HRH1: variants seen among roughly 807,000 people sequenced by gnomAD.
HRH1 encodes the protein histamine receptor H1, also known as histamine H1 receptor.
In HRH1, 6 loss-of-function variants were observed where a neutral mutation model predicts 10.3. The ratio of observed to expected loss-of-function variants is 0.58; its 90% CI spans 0.32 to 1.15. The LOEUF (loss-of-function observed/expected upper bound fraction) is 1.15. HRH1 is among the 50% of genes most tolerant of loss of function. HRH1 has a pLI of 0.05. For missense variants in HRH1, 514 were observed against 615.3 expected, an observed-to-expected ratio of 0.84 and a Z score of 1.74; for synonymous variants, 242 against 236.7, an observed-to-expected ratio of 1.02 and a Z score of -0.21.
At chr3:11,240,135 G>A (rs1426080781) in intron 1 of HRH1, among the ~76,000 whole-genome samples, 3 of 152,066 alleles carry the variant, frequency 2.0e-5, no homozygotes, top group African/African-American at 7.2e-5. Flanking sequence ...ATGGTTCTCA[G>A]AGAGGAGGCT....
At chr3:11,206,586 C>CTTTACCTATAAAAG (rs1405993478) in intron 1 of HRH1, among the ~76,000 whole-genome samples, 5 of 152,230 alleles carry the variant, frequency 3.3e-5, no homozygotes, top group Non-Finnish European at 7.3e-5. Flanking sequence ...GTTCACTGTG[C>CTTTACCTATAAAAG]CAGGTGCTTT....
intron 1 of HRH1, among the ~76,000 whole-genome samples, chr3:11,146,278 G>A (rs1466682255): frequency 6.6e-6 from 1 of 152,144 alleles, no homozygotes; most frequent in Non-Finnish European, 1.5e-5. Context: ...GGTCATTGGG[G>A]TTAATTTTCA....
At chr3:11,151,927 TA>T (rs1936637734), upstream of HRH1, among the ~76,000 whole-genome samples, 1 of 152,222 alleles carries the variant, frequency 6.6e-6, no homozygotes, top group Non-Finnish European at 1.5e-5. Flanking sequence ...CAGGTATTTT[TA>T]ATCTACTTAT....
In HRH1 at chr3:11,144,573, T is replaced by C. The variant is rs1936389185; in HGVS notation, c.-36+7174T>C. The stretch of plus-strand genomic sequence containing the variant: ...TAAAATCGTGTCTTTTGCAGCAACT[T>C]CAAGCTGGAACCAGAAGCCATTATC... On this transcript the variant is annotated intron_variant, in intron 1 of 1. Coordinates refer to the HRH1 transcript ENST00000438284. 2.1e-5 allele frequency among the ~76,000 whole-genome samples: 3 copies of C among 144,248 alleles called. No individual in the cohort carries two copies. In the South Asian group the frequency reaches 6.7e-4, roughly 32 times the overall value. The allele number at this position is 144,248 out of a possible 152,430, so 94.6% of individuals were successfully genotyped here.
chr3:11,240,173 A>T lies in HRH1; in HGVS notation c.-35-18830A>T, dbSNP rs566507407. On this transcript the variant is annotated intron_variant, in intron 1 of 1. Coordinates refer to ENST00000431010, the MANE Select transcript of HRH1 (RefSeq NM_001098212.2). ...ACTTGAGCTGGGAAAATACCCCAAAAGGTGTCCACTCCTGGGTCATTATCT... is the reference window on the plus strand; with the variant it reads ...ACTTGAGCTGGGAAAATACCCCAAATGGTGTCCACTCCTGGGTCATTATCT... 2.6e-5 allele frequency among the ~76,000 whole-genome samples: 4 copies of T among 152,100 alleles called. No individual in the cohort carries two copies. The East Asian group carries it at 7.8e-4, about 29-fold the overall frequency.
intron 1 of HRH1, among the ~76,000 whole-genome samples, chr3:11,234,741 C>G (rs1441409176): frequency 6.6e-6 from 1 of 152,152 alleles, no homozygotes; most frequent in Non-Finnish European, 1.5e-5. Context: ...TAGCTTCACG[C>G]CATGACCTCC....
intron 1 of HRH1, among the ~76,000 whole-genome samples, chr3:11,172,904 A>G (rs900784747): frequency 9.2e-5 from 14 of 152,042 alleles, no homozygotes; most frequent in South Asian, 2.1e-4. Context: ...GGGTTTCACC[A>G]TGTTAGCCAG....
In HRH1 at chr3:11,231,085, A is replaced by G. The variant is rs76971217; in HGVS notation, c.-35-27918A>G. Among the ~76,000 whole-genome samples, 56 of 152,324 alleles carry G rather than the reference A, an allele frequency of 3.7e-4. 1 individual carries two copies. The East Asian group carries it at 0.011, about 29-fold the overall frequency. On this transcript the variant is annotated intron_variant, in intron 1 of 1. Coordinates refer to ENST00000431010, the MANE Select transcript of HRH1 (RefSeq NM_001098212.2). ...TGGTGTCATTTCAGGAATGTTACAT[A>G]AATGTCACACAGTTAGTAACCTTTT...
At chr3:11,145,564 CT>C (rs1173894026) in intron 1 of HRH1, among the ~76,000 whole-genome samples, 1 of 152,034 alleles carries the variant, frequency 6.6e-6, no homozygotes, top group Non-Finnish European at 1.5e-5. Flanking sequence ...ATGTTTGCCT[CT>C]GTGTTTTTTT....
chr3:11,183,471 C>G (rs910569814), intron 1 of HRH1, among the ~76,000 whole-genome samples: 1 of 152,174 alleles, frequency 6.6e-6, no homozygotes, highest in Non-Finnish European at 1.5e-5. Context: ...TCCTAAACCT[C>G]CTACAGTGCA....
intron 1 of HRH1, among the ~76,000 whole-genome samples, chr3:11,175,770 A>G (rs560941548): frequency 2.8e-4 from 43 of 152,334 alleles, no homozygotes; most frequent in African/African-American, 6.7e-4. Flanking sequence ...CGAATTGACA[A>G]TTCAAACACC....
At chr3:11,149,580 T>A (rs1431737477), upstream of HRH1, among the ~76,000 whole-genome samples, 1 of 152,238 alleles carries the variant, frequency 6.6e-6, no homozygotes, top group East Asian at 1.9e-4. Flanking sequence ...AGCAGGGGCC[T>A]GACATTCTAT....
chr3:11,204,575 C>T (rs1035581100), intron 1 of HRH1, among the ~76,000 whole-genome samples: 1 of 152,078 alleles, frequency 6.6e-6, no homozygotes, highest in Non-Finnish European at 1.5e-5. Flanking sequence ...AGGGGAAGGC[C>T]GGGATCAGCT....
chr3:11,184,924 A>T (rs575431651), intron 1 of HRH1, among the ~76,000 whole-genome samples: 17 of 151,848 alleles, frequency 1.1e-4, no homozygotes, highest in African/African-American at 3.9e-4. Flanking sequence ...TTTCAAAAAA[A>T]AAAAAAAAAA....
intron 1 of HRH1, among the ~76,000 whole-genome samples, chr3:11,207,842 C>T (rs347594): frequency 0.59 from 89,965 of 151,942 alleles, 26,953 homozygotes; most frequent in East Asian, 0.68. Context: ...GGGAGAAGAG[C>T]GGGCATCCTT....
chr3:11,259,882 A>G lies in HRH1; in HGVS notation c.845A>G (p.Glu282Gly). The part of the protein sequence containing the change: ...VLKSPSQTPK[E>G]MKSPVVFSQE... ...AAGTCACCATCCCAAACCCCCAAGG[A>G]GATGAAATCCCCAGTTGTCTTCAGC... The change falls in exon 2 of 2, where the codon GAG (glutamate) becomes GGG (glycine). Residue 282 changes from glutamate (E) to glycine (G), a missense_variant. By Grantham distance (98) the Glu-to-Gly change is moderately conservative. Coordinates refer to ENST00000431010, the MANE Select transcript of HRH1 (RefSeq NM_001098212.2). This position sits in a 1 kb window ranked among gnomAD's most constrained non-coding sequence, Gnocchi z 4.6. The G allele has an allele frequency of 6.2e-7, 1 of 1,614,124 alleles. No individual in the cohort carries two copies. Among genetic ancestry groups the G allele is most frequent in the African/African-American group, 1.3e-5 (1 of 75,038 alleles).
chr3:11,192,188 G>A (rs776308486), intron 1 of HRH1, among the ~76,000 whole-genome samples: 1 of 152,176 alleles, frequency 6.6e-6, no homozygotes, highest in Non-Finnish European at 1.5e-5. Flanking sequence ...GCACAGCTGG[G>A]TGAATTTTCA....
intron 1 of HRH1, among the ~76,000 whole-genome samples, chr3:11,160,437 C>T (rs1936900496): frequency 6.6e-6 from 1 of 152,202 alleles, no homozygotes; most frequent in Non-Finnish European, 1.5e-5. Flanking sequence ...AACAAGGTTT[C>T]TCACTGTCGT....
chr3:11,168,168 G>A (rs1248836066), intron 1 of HRH1, among the ~76,000 whole-genome samples: 2 of 152,198 alleles, frequency 1.3e-5, no homozygotes, highest in African/African-American at 4.8e-5. Context: ...GGACAGCAAG[G>A]CCTGGCTAGA....
Sources: gnomAD v4.1 joint callset for allele counts (sites outside exome capture counted in the v4.1 genomes callset) on GRCh38, gnomAD v4.1.1 for gene constraint, Gnocchi (gnomAD v3.1) non-coding constraint, MANE v1.5 for transcripts, NCBI Gene and HGNC (gene_info 2026-07-23, HGNC 2026-07-21) for gene names.